TJP1: variants seen among roughly 807,000 people sequenced by gnomAD.
TJP1 encodes tight junction protein ZO-1.
Under a neutral mutation model 194.2 loss-of-function variants are expected in TJP1, and 43 were observed. That is an observed-to-expected ratio of 0.22 (90% CI 0.17 to 0.29). TJP1 has a LOEUF of 0.29. Among genes scored for constraint, TJP1 ranks in the 10% least tolerant of loss-of-function variants. TJP1 has a pLI of 1.00. For synonymous variants in TJP1, 801 were observed against 779.0 expected (o/e 1.03, Z -0.47); for missense variants, 1,971 against 2,185.7 (o/e 0.90, Z 1.96).
intron 2 of TJP1, among the ~76,000 whole-genome samples, chr15:29,855,815 C>T (rs1183040649): frequency 6.6e-6 from 1 of 151,420 alleles, no homozygotes; most frequent in Non-Finnish European, 1.5e-5. Flanking sequence ...GAGATAACAA[C>T]ACTGCACTCC....
At chr15:29,725,520 C>CA (rs1463405776) in intron 18 of TJP1, among the ~76,000 whole-genome samples, 1 of 151,814 alleles carries the variant, frequency 6.6e-6, no homozygotes, top group Non-Finnish European at 1.5e-5. Flanking sequence ...GAGATACTCT[C>CA]AATCTTCCCT....
At chr15:29,891,476 T>C (rs1163406926) in intron 2 of TJP1, among the ~76,000 whole-genome samples, 4 of 152,242 alleles carry the variant, frequency 2.6e-5, no homozygotes, top group African/African-American at 7.2e-5. Context: ...CCTCATCTTA[T>C]TGTGCTTCAC....
Position 29,737,420 on chromosome 15 carries a change from A to G in TJP1, c.1257-6T>C. 1 of 1,614,168 alleles carries G rather than the reference A, an allele frequency of 6.2e-7. No homozygotes were observed. Among genetic ancestry groups the G allele is most frequent in the Non-Finnish European group, 8.5e-7 (1 of 1,180,012 alleles). On this transcript the variant is annotated splice_region_variant and splice_polypyrimidine_tract_variant and intron_variant, in intron 10 of 27. Coordinates refer to ENST00000614355, the MANE Select transcript of TJP1 (RefSeq NM_001330239.4). ...TTACCAATTTCATGCTGGGCCTGTTAAAACAGATATTTCATTTGAAACAGT... is the reference window on the plus strand; with the variant it reads ...TTACCAATTTCATGCTGGGCCTGTTGAAACAGATATTTCATTTGAAACAGT...
chr15:29,884,737 A>C (rs1319598983), intron 2 of TJP1, among the ~76,000 whole-genome samples: 2 of 152,202 alleles, frequency 1.3e-5, no homozygotes, highest in Non-Finnish European at 2.9e-5. Context: ...TAAGTTTACA[A>C]CTGAGCGGAG....
At chr15:29,839,029 G>T (rs1249939630) in intron 2 of TJP1, among the ~76,000 whole-genome samples, 3 of 106,500 alleles carry the variant, frequency 2.8e-5, no homozygotes, top group Non-Finnish European at 5.1e-5. Flanking sequence ...GACGGAGTCT[G>T]GCTCTGTCAC....
chr15:29,872,550 A>C (rs1183833921), intron 2 of TJP1, among the ~76,000 whole-genome samples: 1 of 152,162 alleles, frequency 6.6e-6, no homozygotes, highest in Non-Finnish European at 1.5e-5. Context: ...AGATCTTCAG[A>C]ATTGTTTTGA....
Position 29,946,062 on chromosome 15 carries a change from G to T in TJP1, c.306+10170C>A, listed in dbSNP as rs145847567. Among the ~76,000 whole-genome samples the T allele has an allele frequency of 5.9e-5, 9 of 152,280 alleles. No individual in the cohort carries two copies. The East Asian group carries it at 1.7e-3, about 29-fold the overall frequency. On this transcript the variant is annotated intron_variant, in intron 2 of 28. Transcript: ENST00000356107. ...AACTAAACCTGGAACACAATATGCAGAAAACAAGGAAGTGTTCAAAGATTG... is the reference window on the plus strand; with the variant it reads ...AACTAAACCTGGAACACAATATGCATAAAACAAGGAAGTGTTCAAAGATTG...
At chr15:29,728,341 G>C (rs1048984057) in intron 15 of TJP1, 2 of 227,740 alleles carry the variant, frequency 8.8e-6, no homozygotes, top group African/African-American at 4.6e-5. Context: ...TTTTCACACT[G>C]TAACATCCAG....
intron 2 of TJP1, among the ~76,000 whole-genome samples, chr15:29,926,676 C>T (rs2054538052): frequency 1.3e-5 from 2 of 151,414 alleles, no homozygotes; most frequent in Admixed American, 6.6e-5. Context: ...CGGACAATGA[C>T]TTAATAATAC....
chr15:29,788,811 T>C (rs1049156943), intron 2 of TJP1, among the ~76,000 whole-genome samples: 1 of 152,212 alleles, frequency 6.6e-6, no homozygotes, highest in African/African-American at 2.4e-5. Flanking sequence ...CCCAAAGAAT[T>C]AGAAAAATGT....
At chr15:29,826,735 C>G (rs188646644), upstream of TJP1, among the ~76,000 whole-genome samples, 2 of 152,290 alleles carry the variant, frequency 1.3e-5, no homozygotes, top group Admixed American at 6.5e-5. Context: ...ATCTTAAACA[C>G]AGTCAGGGCT....
intron 2 of TJP1, among the ~76,000 whole-genome samples, chr15:29,888,973 A>G (rs985138738): frequency 1.3e-5 from 2 of 152,224 alleles, no homozygotes; most frequent in African/African-American, 2.4e-5. Context: ...CAAAATGCCC[A>G]GGAAATGTGC....
intron 2 of TJP1, among the ~76,000 whole-genome samples, chr15:29,846,696 C>A (rs368431149): frequency 3.3e-5 from 5 of 152,084 alleles, no homozygotes; most frequent in Non-Finnish European, 2.9e-5. Context: ...GAGGCCGAGG[C>A]GGGCGGATCA....
intron 2 of TJP1, among the ~76,000 whole-genome samples, chr15:29,937,733 C>T (rs746926288): frequency 2.0e-4 from 31 of 152,212 alleles, no homozygotes; most frequent in Non-Finnish European, 3.4e-4. Flanking sequence ...GCGCGACCCT[C>T]CAGGCTTTTC....
chr15:29,718,237 T>G, intron 21 of TJP1, 29 bp downstream of exon 21: 2 of 1,602,662 alleles, frequency 1.2e-6, no homozygotes, highest in Non-Finnish European at 1.7e-6. Flanking sequence ...GGTGTGCCCA[T>G]GCATCCAAGG....
chr15:29,911,917 T>C (rs931943025), intron 2 of TJP1, among the ~76,000 whole-genome samples: 43 of 152,330 alleles, frequency 2.8e-4, no homozygotes, highest in African/African-American at 9.9e-4. Context: ...AAATAAGGCA[T>C]GATTTGGATT....
In TJP1 at chr15:29,801,341, C is replaced by T. The variant is rs540365235; in HGVS notation, c.28-639G>A. On this transcript the variant is annotated intron_variant, in intron 1 of 27. Coordinates refer to ENST00000614355, the MANE Select transcript of TJP1 (RefSeq NM_001330239.4). ...CAAAAAAGAACAATCTCCCAAACTC[C>T]CCCAAGAATCATCATAAAATAAAAG... 8.5e-5 allele frequency among the ~76,000 whole-genome samples: 13 copies of T among 152,282 alleles called. No homozygotes were observed. The South Asian group carries it at 2.5e-3, about 29-fold the overall frequency.
intron 2 of TJP1, among the ~76,000 whole-genome samples, chr15:29,870,331 A>G (rs1387126007): frequency 2.0e-5 from 3 of 152,208 alleles, no homozygotes; most frequent in Non-Finnish European, 4.4e-5. Context: ...GGGATCCAAG[A>G]GTTTAGAATA....
At chr15:29,849,738 T>A (rs1289414585) in intron 2 of TJP1, among the ~76,000 whole-genome samples, 3 of 137,836 alleles carry the variant, frequency 2.2e-5, no homozygotes, top group African/African-American at 8.1e-5. Flanking sequence ...CAGAGAGGAC[T>A]CCGTCTCAAA....
Sources: allele counts gnomAD v4.1 joint callset (sites outside exome capture counted in the v4.1 genomes callset), GRCh38; gene constraint gnomAD v4.1.1; transcripts MANE v1.5; gene names NCBI Gene and HGNC (gene_info 2026-07-23, HGNC 2026-07-21).